CNTN5: variants seen among roughly 807,000 people sequenced by gnomAD.
CNTN5 encodes the protein contactin 5, also known as contactin-5.
CNTN5 carries 77 observed loss-of-function variants against 129.1 expected under a neutral mutation model. The ratio of observed to expected loss-of-function variants is 0.60; its 90% confidence interval spans 0.50 to 0.72. The LOEUF is 0.72. Among genes scored for constraint, CNTN5 ranks in the 30% least tolerant of loss-of-function variants. CNTN5 has a pLI of 0.00. For missense variants in CNTN5, 1,478 were observed against 1,328.8 expected, an observed-to-expected ratio of 1.11 and a Z score of -1.75; for synonymous variants, 509 against 465.6, an observed-to-expected ratio of 1.09 and a Z score of -1.20.
chr11:99,534,644 T>C (rs1329348016), intron 2 of CNTN5, among the ~76,000 whole-genome samples: 4 of 152,198 alleles, frequency 2.6e-5, no homozygotes, highest in East Asian at 3.9e-4. Context: ...TTTTGCTTTA[T>C]ATGTTAATTA....
At chr11:99,878,414 C>A (rs530745817) in intron 6 of CNTN5, among the ~76,000 whole-genome samples, 1 of 152,182 alleles carries the variant, frequency 6.6e-6, no homozygotes, top group East Asian at 1.9e-4. Context: ...GTACAACTTA[C>A]AATTTTTTCA....
chr11:100,076,271 A>G (rs992024523), intron 13 of CNTN5, among the ~76,000 whole-genome samples: 1 of 152,144 alleles, frequency 6.6e-6, no homozygotes, highest in African/African-American at 2.4e-5. Context: ...TCTATCTGAA[A>G]TGCATGACTT....
chr11:100,025,671 A>T (rs1057287394), intron 9 of CNTN5, among the ~76,000 whole-genome samples: 1 of 152,342 alleles, frequency 6.6e-6, no homozygotes, highest in African/African-American at 2.4e-5. Flanking sequence ...TTGCTTCAGC[A>T]TGACCTGGAA....
chr11:99,788,178 C>T (rs894238833), intron 3 of CNTN5, among the ~76,000 whole-genome samples: 12 of 151,802 alleles, frequency 7.9e-5, no homozygotes, highest in South Asian at 4.1e-4. Flanking sequence ...TACGATTTTC[C>T]GTGATGTTAC....
chr11:99,300,260 A>G (rs1414073523), intron 1 of CNTN5, among the ~76,000 whole-genome samples: 1 of 151,996 alleles, frequency 6.6e-6, no homozygotes, highest in Non-Finnish European at 1.5e-5. Flanking sequence ...TAGGTTTGTC[A>G]TATATGATTT....
chr11:99,781,023 G>C (rs1274043812), intron 3 of CNTN5, among the ~76,000 whole-genome samples: 1 of 152,048 alleles, frequency 6.6e-6, no homozygotes, highest in East Asian at 1.9e-4. Flanking sequence ...ATTGGTAGAT[G>C]CTAATTGATC....
At position 99,589,418 on chromosome 11, in the gene CNTN5, C is replaced by T. The variant is rs569299663; in HGVS notation, c.55+33149C>T. Among the ~76,000 whole-genome samples the T allele has an allele frequency of 1.2e-4, 19 of 152,248 alleles. 1 individual carries two copies. In the South Asian group the frequency reaches 3.5e-3, roughly 28 times the overall value. On this transcript the variant is annotated intron_variant, in intron 3 of 24. Transcript: ENST00000524871. ...GTATTCATGTATTCAACATTCTAAACCACTAAAAGCAGAAAAATACTGCTT... is the reference window on the plus strand; with the variant it reads ...GTATTCATGTATTCAACATTCTAAATCACTAAAAGCAGAAAAATACTGCTT...
At chr11:100,023,469 G>A (rs886229806) in intron 9 of CNTN5, among the ~76,000 whole-genome samples, 4 of 152,138 alleles carry the variant, frequency 2.6e-5, no homozygotes, top group Non-Finnish European at 4.4e-5. Context: ...TACCAGGATG[G>A]TACATTTTTT....
chr11:100,263,892 T>G (rs1950251274), intron 17 of CNTN5, among the ~76,000 whole-genome samples: 1 of 152,116 alleles, frequency 6.6e-6, no homozygotes, highest in Non-Finnish European at 1.5e-5. Context: ...GGAGAGGTTT[T>G]CCTTGTGGAT....
At chr11:99,282,129 A>G (rs2135891455) in intron 1 of CNTN5, among the ~76,000 whole-genome samples, 1 of 152,112 alleles carries the variant, frequency 6.6e-6, no homozygotes, top group Middle Eastern at 3.4e-3. Context: ...TTTATTCACG[A>G]TCTGAAAAAA....
rs146335362 is a variant in CNTN5 at position 100,311,744 on chromosome 11, T to C, written c.2730+3276T>C. On this transcript the variant is annotated intron_variant, in intron 21 of 24. Coordinates refer to ENST00000524871, the MANE Select transcript of CNTN5 (RefSeq NM_014361.4). ...GAATTCAGAAAGATGAGACCTGAGA[T>C]TGCCAGATGGATTCAGCAATGTGGA... is the stretch of plus-strand genomic sequence containing the variant. Among the ~76,000 whole-genome samples, 82 of 152,044 alleles carry C rather than the reference T, an allele frequency of 5.4e-4. 2 individuals carry two copies. The East Asian group carries it at 0.015, about 28-fold the overall frequency.
intron 9 of CNTN5, among the ~76,000 whole-genome samples, chr11:100,045,011 A>G (rs963995772): frequency 1.3e-5 from 2 of 152,204 alleles, no homozygotes; most frequent in African/African-American, 2.4e-5. Context: ...TCAGGCCATC[A>G]AAATGCAGTT....
chr11:99,836,679 A>G (rs1947318288), intron 4 of CNTN5, among the ~76,000 whole-genome samples: 1 of 152,088 alleles, frequency 6.6e-6, no homozygotes, highest in African/African-American at 2.4e-5. Context: ...GGCTGGGTCA[A>G]ATGGTATTTC....
intron 3 of CNTN5, among the ~76,000 whole-genome samples, chr11:99,575,402 G>T (rs1386328397): frequency 6.6e-6 from 1 of 152,150 alleles, no homozygotes; most frequent in Non-Finnish European, 1.5e-5. Context: ...CAGAGGAACT[G>T]CTTGTGGTCA....
chr11:99,567,440 G>T (rs1230636015), intron 3 of CNTN5, among the ~76,000 whole-genome samples: 1 of 151,602 alleles, frequency 6.6e-6, no homozygotes, highest in Non-Finnish European at 1.5e-5. Context: ...GTGACAGTTT[G>T]TTCCTTCTGC....
At chr11:100,190,026 C>G (rs926221955) in intron 13 of CNTN5, among the ~76,000 whole-genome samples, 9 of 151,936 alleles carry the variant, frequency 5.9e-5, no homozygotes, top group Non-Finnish European at 1.2e-4. Flanking sequence ...GTTCAATGCT[C>G]TAAATAACCA....
At position 99,455,449 on chromosome 11, in the gene CNTN5, T is replaced by A. The variant is rs532021913; in HGVS notation, c.-70-100696T>A. On this transcript the variant is annotated intron_variant, in intron 2 of 24. Coordinates refer to ENST00000524871, the MANE Select transcript of CNTN5 (RefSeq NM_014361.4). ...CCTGAAAAATATGTAGTTTTTTTTT[T>A]TAAAAAAAACATAAGAATTATTTCA... Among the ~76,000 whole-genome samples the A allele has an allele frequency of 4.7e-3, 710 of 151,828 alleles. 6 individuals are homozygous for A. The highest frequency in any genetic ancestry group is 0.01 in the Middle Eastern group (3 of 294).
chr11:100,009,481 T>C (rs186711834), intron 9 of CNTN5, among the ~76,000 whole-genome samples: 3 of 151,888 alleles, frequency 2.0e-5, no homozygotes, highest in East Asian at 1.9e-4. Flanking sequence ...GATTAATTAG[T>C]TGGAAAGAAA....
chr11:99,311,889 A>G lies in CNTN5; in HGVS notation c.-209-13457A>G, dbSNP rs1198348573. ...TTCAGTTGTTTCTCTTTCCCTAAAA[A>G]TTACTTTTAGGCCTGTTTACTATCT... On this transcript the variant is annotated intron_variant, in intron 1 of 24. Coordinates refer to ENST00000524871, the MANE Select transcript of CNTN5 (RefSeq NM_014361.4). Among the ~76,000 whole-genome samples the G allele has an allele frequency of 2.6e-5, 4 of 152,296 alleles. No homozygotes were observed. The East Asian group carries it at 5.8e-4, about 22-fold the overall frequency.
Sources: allele counts gnomAD v4.1 joint callset (sites outside exome capture counted in the v4.1 genomes callset), GRCh38; gene constraint gnomAD v4.1.1; transcripts MANE v1.5; gene names NCBI Gene and HGNC (gene_info 2026-07-23, HGNC 2026-07-21).